Variants in MRPL34 observed in about 807,000 individuals in gnomAD.
MRPL34 encodes large ribosomal subunit protein bL34m.
In MRPL34, 8 loss-of-function variants were observed where a neutral mutation model predicts 6.7. The observed-to-expected ratio is 1.20, with a 90% confidence interval of 0.70 to 2.16. The LOEUF (loss-of-function observed/expected upper bound fraction) is 2.16, where lower values mean the gene tolerates loss of function less well. Ranked by LOEUF, MRPL34 falls within the 30% of genes most tolerant of loss-of-function variation. The pLI, the probability that MRPL34 is intolerant of heterozygous loss-of-function variation, is 0.00. For synonymous variants in MRPL34, 59 were observed against 55.1 expected (o/e 1.07, Z -0.31); for missense variants, 146 against 125.5 (o/e 1.16, Z -0.78).
upstream of MRPL34, chr19:17,305,719 G>T: frequency 1.4e-6 from 1 of 704,484 alleles, no homozygotes; most frequent in Non-Finnish European, 2.5e-6. Flanking sequence ...CGCGGATATA[G>T]ACTGGCGCGC....
In MRPL34 at chr19:17,306,377, T is replaced by C; in HGVS notation, c.277T>C (p.Ter93ArgextTer60). Residue 93 changes from the stop codon to arginine (R), a stop_lost, in exon 2 of 2, where the codon TGA becomes CGA. Coordinates refer to ENST00000252602, the MANE Select transcript of MRPL34 (RefSeq NM_023937.4). ...MLKGRKSLSH[*>R] is the part of the protein sequence containing the mutation. ...CAAGGGCCGCAAGTCGCTGAGCCAT[T>C]GAGGATCGCGACGCAGTCGGCGGGA... is the stretch of plus-strand genomic sequence containing the variant. 1 of 1,585,656 alleles carries C rather than the reference T, an allele frequency of 6.3e-7. No individual in the cohort carries two copies. Among genetic ancestry groups the C allele is most frequent in the Non-Finnish European group, 8.6e-7 (1 of 1,167,478 alleles).
chr19:17,304,052 C>T (rs903455235), upstream of MRPL34, among the ~76,000 whole-genome samples: 6 of 152,082 alleles, frequency 3.9e-5, no homozygotes, highest in Non-Finnish European at 8.8e-5. Flanking sequence ...CTCTCGTCTA[C>T]GGCCTCCCAA....
Position 17,305,883 on chromosome 19 carries a change from C to T in MRPL34, c.-10C>T, listed in dbSNP as rs955800042. Reference sequence around the variant, plus strand: ...CGCCCGCAGCCGGTACTGCGGGACCCACTGCGGATATGGCTGTCTTGGCTG... The same window carrying T: ...CGCCCGCAGCCGGTACTGCGGGACCTACTGCGGATATGGCTGTCTTGGCTG... On this transcript the variant is annotated 5_prime_UTR_variant, in exon 1 of 2. Transcript: ENST00000252602. 1 of 1,613,860 alleles carries T rather than the reference C, an allele frequency of 6.2e-7. No homozygotes were observed. The highest frequency in any genetic ancestry group is 1.3e-5 in the African/African-American group (1 of 74,940).
upstream of MRPL34, chr19:17,297,910 CTTTTTTCT>C (rs2074100577): frequency 8.8e-6 from 1 of 113,990 alleles, no homozygotes; most frequent in Non-Finnish European, 1.8e-5. Context: ...ATTTATTTTT[CTTTTTTCT>C]TTTTTTTTTT....
intron 1 of MRPL34, 55 bp from the exon 2 acceptor site, chr19:17,306,111 C>T: frequency 2.0e-6 from 3 of 1,490,246 alleles, no homozygotes; most frequent in Non-Finnish European, 2.7e-6. Context: ...AGGTTGAGCG[C>T]CAAGGTCACC....
upstream of MRPL34, chr19:17,301,212 G>C (rs1001048620): frequency 1.8e-5 from 29 of 1,594,366 alleles, no homozygotes; most frequent in Non-Finnish European, 2.5e-5. Context: ...CGCTGCCTGC[G>C]CTGCCGGGGG....
chr19:17,296,211 T>TA (rs1407899601), intron 1 of MRPL34: 8 of 151,070 alleles, frequency 5.3e-5, no homozygotes, highest in Admixed American at 5.3e-4. Flanking sequence ...CCAGACTTTT[T>TA]ATTTTAATTG....
At chr19:17,292,817 T>C in exon 1 of MRPL34, 1 of 1,612,512 alleles carries the variant, frequency 6.2e-7, no homozygotes, top group Non-Finnish European at 8.5e-7. Flanking sequence ...GCTTCAGGAA[T>C]GCCAGGAGCA....
upstream of MRPL34, chr19:17,300,843 A>G (rs1205840932): frequency 1.3e-6 from 2 of 1,573,584 alleles, no homozygotes; most frequent in Non-Finnish European, 1.7e-6. Context: ...CCCACATGCC[A>G]GGGTTCACTT....
At chr19:17,294,641 C>G (rs756267143) in intron 1 of MRPL34, 2 of 1,610,356 alleles carry the variant, frequency 1.2e-6, no homozygotes, top group South Asian at 2.2e-5. Context: ...TTCGCCAGGG[C>G]CAGGATCACG....
chr19:17,294,708 C>T (rs758942089), intron 1 of MRPL34: 1 of 1,614,124 alleles, frequency 6.2e-7, no homozygotes, highest in South Asian at 1.1e-5. Context: ...GGGCGACAAG[C>T]AGTGCAGGAC....
upstream of MRPL34, chr19:17,301,774 GTT>G (rs1491389857): frequency 4.9e-5 from 38 of 772,188 alleles, no homozygotes; most frequent in African/African-American, 9.7e-5. Flanking sequence ...AGATTTTTTT[GTT>G]TGTGTGTGTG....
chr19:17,300,896 A>G, upstream of MRPL34: 1 of 1,603,228 alleles, frequency 6.2e-7, no homozygotes, highest in Non-Finnish European at 8.5e-7. Flanking sequence ...TTCTTGGCAT[A>G]GCGCTTGAAG....
At chr19:17,305,724 G>C (rs959816631), upstream of MRPL34, 4 of 715,016 alleles carry the variant, frequency 5.6e-6, no homozygotes, top group East Asian at 8.1e-5. Context: ...ATATAGACTG[G>C]CGCGCCTCTG....
chr19:17,304,587 C>G (rs1037736595), upstream of MRPL34, among the ~76,000 whole-genome samples: 6 of 152,164 alleles, frequency 3.9e-5, no homozygotes, highest in Admixed American at 1.3e-4. Context: ...GTCCAGACAC[C>G]TACTCTTGCC....
upstream of MRPL34, chr19:17,300,740 A>G (rs2074113527): frequency 2.3e-6 from 3 of 1,326,116 alleles, no homozygotes; most frequent in South Asian, 4.4e-5. Flanking sequence ...GGCCTCCCAA[A>G]GTGCTGGGAT....
At chr19:17,304,359 A>T (rs963727944), upstream of MRPL34, among the ~76,000 whole-genome samples, 1 of 152,184 alleles carries the variant, frequency 6.6e-6, no homozygotes, top group African/African-American at 2.4e-5. Context: ...TTATTTCTCT[A>T]TGAAATTAAT....
At position 17,305,888 on chromosome 19, in the gene MRPL34, C is replaced by T. The variant is rs1242446509; in HGVS notation, c.-5C>T. The T allele has an allele frequency of 1.2e-6, 2 of 1,614,052 alleles. No homozygotes were observed. The highest frequency in any genetic ancestry group is 1.1e-5 in the South Asian group (1 of 91,086). On this transcript the variant is annotated 5_prime_UTR_variant, in exon 1 of 2. Coordinates refer to ENST00000252602, the MANE Select transcript of MRPL34 (RefSeq NM_023937.4). ...GCAGCCGGTACTGCGGGACCCACTG[C>T]GGATATGGCTGTCTTGGCTGGATCC...
At chr19:17,301,526 C>T (rs968935995), upstream of MRPL34, 36 of 1,610,288 alleles carry the variant, frequency 2.2e-5, no homozygotes, top group Non-Finnish European at 2.9e-5. Context: ...GTGTAGCCAT[C>T]GCTGGACTCG....
Sources: allele counts gnomAD v4.1 joint callset (sites outside exome capture counted in the v4.1 genomes callset), GRCh38; gene constraint gnomAD v4.1.1; transcripts MANE v1.5; gene names NCBI Gene and HGNC (gene_info 2026-07-23, HGNC 2026-07-21).